LRBA: variants seen among roughly 807,000 people sequenced by gnomAD.
LRBA encodes lipopolysaccharide-responsive and beige-like anchor protein.
In LRBA, 176 loss-of-function variants were observed where a neutral mutation model predicts 330.0. That is an observed-to-expected ratio of 0.53 (90% CI 0.47 to 0.60). The LOEUF (loss-of-function observed/expected upper bound fraction) is 0.60. Ranked by LOEUF, LRBA falls within the 20% of genes least tolerant of loss-of-function variation. LRBA has a pLI of 0.00. For missense variants in LRBA, 3,259 were observed against 3,444.8 expected, an observed-to-expected ratio of 0.95 and a Z score of 1.35; for synonymous variants, 1,230 against 1,193.0, an observed-to-expected ratio of 1.03 and a Z score of -0.64.
chr4:150,768,378 C>T (rs570134615), intron 34 of LRBA, among the ~76,000 whole-genome samples: 3 of 152,204 alleles, frequency 2.0e-5, no homozygotes, highest in South Asian at 4.2e-4. Flanking sequence ...GAAAGAGATG[C>T]AAGTTGGCAT....
chr4:150,309,259 T>G (rs1482373652), intron 52 of LRBA, among the ~76,000 whole-genome samples: 1 of 152,174 alleles, frequency 6.6e-6, no homozygotes, highest in Admixed American at 6.6e-5. Flanking sequence ...TATACTAGTA[T>G]GCTGTACAGA....
intron 40 of LRBA, among the ~76,000 whole-genome samples, chr4:150,506,928 G>C (rs140934574): frequency 0.37 from 56,582 of 151,220 alleles, 11,490 homozygotes; most frequent in Non-Finnish European, 0.47. Flanking sequence ...TCTTATACAC[G>C]AATAACAGAC....
intron 31 of LRBA, 71 bp from the exon 32 acceptor site, chr4:150,808,469 T>C: frequency 1.2e-6 from 1 of 812,728 alleles, no homozygotes; most frequent in Non-Finnish European, 2.1e-6. Flanking sequence ...AAAAAGAATG[T>C]CATTATACCA....
Position 150,906,367 on chromosome 4 carries a change from T to C in LRBA, c.1532A>G (p.Asn511Ser), listed in dbSNP as rs1731341051. Residue 511 changes from asparagine (N) to serine (S), a missense_variant, in exon 12 of 57, where the codon AAC (asparagine) becomes AGC (serine). Coordinates refer to ENST00000651943, the MANE Select transcript of LRBA (RefSeq NM_001364905.1). ...LLAFIMELLK[N>S]SIAMQEQMLA... ...CATCTGTTCCTGCATAGCAATTGAGTTCTTCAACAATTCCATGATAAAGGC... is the reference window on the plus strand; with the variant it reads ...CATCTGTTCCTGCATAGCAATTGAGCTCTTCAACAATTCCATGATAAAGGC... 1 of 1,612,028 alleles carries C rather than the reference T, an allele frequency of 6.2e-7. No individual in the cohort carries two copies. The highest frequency in any genetic ancestry group is 8.5e-7 in the Non-Finnish European group (1 of 1,178,436).
At chr4:150,307,609 T>C (rs1293850083) in intron 52 of LRBA, among the ~76,000 whole-genome samples, 1 of 150,728 alleles carries the variant, frequency 6.6e-6, no homozygotes, top group Non-Finnish European at 1.5e-5. Context: ...CTGGGTGTAG[T>C]GGCATGTGCC....
At chr4:150,671,363 G>C (rs965102206) in intron 37 of LRBA, among the ~76,000 whole-genome samples, 3 of 152,112 alleles carry the variant, frequency 2.0e-5, no homozygotes, top group Non-Finnish European at 4.4e-5. Context: ...TAAGCTTCAA[G>C]AGTGTAGATG....
At chr4:151,010,551 C>T (rs1454653038) in intron 2 of LRBA, among the ~76,000 whole-genome samples, 1 of 152,062 alleles carries the variant, frequency 6.6e-6, no homozygotes, top group Non-Finnish European at 1.5e-5. Context: ...AGACTAAGGT[C>T]AAGCTACATT....
chr4:150,412,717 C>T (rs1269228579), intron 47 of LRBA, among the ~76,000 whole-genome samples: 1 of 151,734 alleles, frequency 6.6e-6, no homozygotes, highest in Non-Finnish European at 1.5e-5. Flanking sequence ...TAACAGAAAA[C>T]CGATTCCCTT....
Position 150,287,513 on chromosome 4 carries a change from C to T in LRBA, c.8018-1479G>A, listed in dbSNP as rs963967983. ...GTAGCCCCACTTCACCTGGAGCCAGCAGTCACTTCAGGTCTAGCTTTTCAC... is the reference window on the plus strand; with the variant it reads ...GTAGCCCCACTTCACCTGGAGCCAGTAGTCACTTCAGGTCTAGCTTTTCAC... On this transcript the variant is annotated intron_variant, in intron 53 of 56. Coordinates refer to ENST00000651943, the MANE Select transcript of LRBA (RefSeq NM_001364905.1). 4.6e-5 allele frequency among the ~76,000 whole-genome samples: 7 copies of T among 152,230 alleles called. No individual in the cohort carries two copies. The East Asian group carries it at 1.3e-3, about 29-fold the overall frequency.
At chr4:150,907,354 G>T (rs1422153561) in intron 11 of LRBA, among the ~76,000 whole-genome samples, 12 of 106,014 alleles carry the variant, frequency 1.1e-4, no homozygotes, top group African/African-American at 4.3e-4. Flanking sequence ...AAGGGGAAGG[G>T]GGAGGGAAGG....
At chr4:150,660,569 G>A (rs1581965014) in intron 37 of LRBA, among the ~76,000 whole-genome samples, 1 of 148,998 alleles carries the variant, frequency 6.7e-6, no homozygotes. Flanking sequence ...TGGGAGGTGT[G>A]CCCAACAGCT....
chr4:150,828,920 GGGGTGTGTGTGTGTGT>G (rs1000578669), intron 29 of LRBA, among the ~76,000 whole-genome samples: 15 of 53,236 alleles, frequency 2.8e-4, no homozygotes, highest in South Asian at 9.0e-4. Context: ...ATCTTTTTTG[GGGGTGTGTGTGTGTGT>G]GTGTGTGTGT....
At chr4:150,590,642 T>C in intron 39 of LRBA, 71 bp downstream of exon 39, 1 of 1,428,354 alleles carries the variant, frequency 7.0e-7, no homozygotes, top group East Asian at 2.3e-5. Context: ...TGGTCACAGC[T>C]GAAAAAGTAA....
chr4:150,824,360 C>T lies in LRBA; in HGVS notation c.5171+3820G>A, dbSNP rs541438180. Among the ~76,000 whole-genome samples, 30 of 152,180 alleles carry T rather than the reference C, an allele frequency of 2.0e-4. No homozygotes were observed. The East Asian group carries it at 5.8e-3, about 29-fold the overall frequency. ...AAATACTCTAAATACAAGATCATAT[C>T]ATCTGCAAACAACTGACATCTTCCT... is the stretch of plus-strand genomic sequence containing the variant. On this transcript the variant is annotated intron_variant, in intron 30 of 56. Transcript: ENST00000651943.
chr4:150,346,774 A>AC (rs1459566875), intron 48 of LRBA, among the ~76,000 whole-genome samples: 20 of 150,766 alleles, frequency 1.3e-4, no homozygotes, highest in East Asian at 7.8e-4. Flanking sequence ...AAAAAAAAAA[A>AC]AAAAAAAAAA....
intron 2 of LRBA, among the ~76,000 whole-genome samples, chr4:150,947,590 G>A (rs571632943): frequency 2.0e-5 from 3 of 151,958 alleles, no homozygotes; most frequent in Non-Finnish European, 2.9e-5. Flanking sequence ...AATGATAAAA[G>A]ACCGAGTATT....
At chr4:150,964,404 A>G (rs983856967) in intron 2 of LRBA, among the ~76,000 whole-genome samples, 4 of 149,746 alleles carry the variant, frequency 2.7e-5, no homozygotes, top group Non-Finnish European at 5.9e-5. Context: ...TGGGGAAAAG[A>G]AGGAGAGGTC....
intron 35 of LRBA, among the ~76,000 whole-genome samples, chr4:150,737,551 AAGAG>A (rs1582195123): frequency 6.6e-6 from 1 of 152,088 alleles, no homozygotes; most frequent in Non-Finnish European, 1.5e-5. Context: ...AGACGAAAGA[AAGAG>A]AGAGAGAAAG....
intron 20 of LRBA, 146 bp downstream of exon 20, chr4:150,870,379 C>A: frequency 1.6e-6 from 1 of 611,438 alleles, no homozygotes; most frequent in Admixed American, 3.0e-5. Context: ...AATATAAAAC[C>A]CAAACAAAAC....
Sources: allele counts gnomAD v4.1 joint callset (sites outside exome capture counted in the v4.1 genomes callset), GRCh38; gene constraint gnomAD v4.1.1; transcripts MANE v1.5; gene names NCBI Gene and HGNC (gene_info 2026-07-23, HGNC 2026-07-21).